The following EPHB1 variants were observed in gnomAD, a reference collection of about 807,000 sequenced individuals.
The protein encoded by EPHB1 is EPH receptor B1, also known as ephrin type-B receptor 1.
EPHB1 carries 30 observed loss-of-function variants against 94.4 expected under a neutral mutation model. That is an observed-to-expected ratio of 0.32 (90% CI 0.24 to 0.43). The LOEUF is 0.43. Among genes scored for constraint, EPHB1 ranks in the 20% least tolerant of loss-of-function variants. The pLI is 1.00. For missense variants in EPHB1, 1,055 were observed against 1,308.3 expected, an observed-to-expected ratio of 0.81 and a Z score of 2.99; for synonymous variants, 522 against 489.1, an observed-to-expected ratio of 1.07 and a Z score of -0.89.
intron 3 of EPHB1, among the ~76,000 whole-genome samples, chr3:135,086,339 G>A (rs34729205): frequency 0.073 from 11,025 of 151,572 alleles, 553 homozygotes; most frequent in Non-Finnish European, 0.11. Flanking sequence ...AAGTGGGGGT[G>A]GGGGAGGGTG....
At chr3:134,923,254 C>T (rs971533629) in intron 1 of EPHB1, among the ~76,000 whole-genome samples, 1 of 152,228 alleles carries the variant, frequency 6.6e-6, no homozygotes, top group Non-Finnish European at 1.5e-5. Flanking sequence ...GCTTTTACTC[C>T]TGTTCATTCC....
intron 3 of EPHB1, among the ~76,000 whole-genome samples, chr3:135,063,581 G>A (rs1937543223): frequency 6.6e-6 from 1 of 152,134 alleles, no homozygotes; most frequent in South Asian, 2.1e-4. Context: ...AGTTCTAGAA[G>A]CTTTCTAGAG....
intron 12 of EPHB1, among the ~76,000 whole-genome samples, chr3:135,202,126 T>G (rs1382458603): frequency 6.6e-6 from 1 of 152,196 alleles, no homozygotes. Context: ...TCTATATTGC[T>G]TCCAAATAGC....
At chr3:135,199,797 G>T (rs544556933) in intron 11 of EPHB1, among the ~76,000 whole-genome samples, 2 of 152,334 alleles carry the variant, frequency 1.3e-5, no homozygotes, top group African/African-American at 4.8e-5. Context: ...GATTGTTGTT[G>T]TTGTTGCTCC....
chr3:135,037,601 A>G (rs1368355090), intron 3 of EPHB1, among the ~76,000 whole-genome samples: 1 of 152,192 alleles, frequency 6.6e-6, no homozygotes, highest in Non-Finnish European at 1.5e-5. Flanking sequence ...CCATTGATTT[A>G]CCATCTATCT....
chr3:135,207,100 C>T (rs978795079), intron 12 of EPHB1, among the ~76,000 whole-genome samples: 2 of 152,104 alleles, frequency 1.3e-5, no homozygotes, highest in African/African-American at 4.8e-5. Flanking sequence ...ATGATGTCAG[C>T]CAAATATACA....
At chr3:134,862,128 G>A (rs2037276519) in intron 1 of EPHB1, among the ~76,000 whole-genome samples, 1 of 152,152 alleles carries the variant, frequency 6.6e-6, no homozygotes, top group East Asian at 1.9e-4. Flanking sequence ...AAGCATCATA[G>A]GTGAGGGAAG....
At chr3:135,088,658 G>A (rs1297110093) in intron 3 of EPHB1, among the ~76,000 whole-genome samples, 1 of 152,266 alleles carries the variant, frequency 6.6e-6, no homozygotes, top group Non-Finnish European at 1.5e-5. Context: ...CAAAAATGAG[G>A]AAGGATGGAA....
At chr3:134,882,590 G>C (rs2037755597) in intron 1 of EPHB1, among the ~76,000 whole-genome samples, 1 of 152,188 alleles carries the variant, frequency 6.6e-6, no homozygotes, top group Admixed American at 6.6e-5. Flanking sequence ...CAACTTGTGG[G>C]TAGGGGGAGT....
In EPHB1 at chr3:135,054,290, C is replaced by G. The variant is rs1171076485; in HGVS notation, c.806-52158C>G. Among the ~76,000 whole-genome samples, 13 of 152,120 alleles carry G rather than the reference C, an allele frequency of 8.5e-5. 1 individual carries two copies. The highest frequency in any genetic ancestry group is 8.5e-4 in the Admixed American group (13 of 15,270). Reference sequence around the variant, plus strand: ...GACTTCCTTTGGACTTGAACTGTAACTCTTCCCTGGGTCTTCAGCCTGCCA... The same window carrying G: ...GACTTCCTTTGGACTTGAACTGTAAGTCTTCCCTGGGTCTTCAGCCTGCCA... On this transcript the variant is annotated intron_variant, in intron 3 of 15. Coordinates refer to ENST00000398015, the MANE Select transcript of EPHB1 (RefSeq NM_004441.5).
chr3:135,173,000 CAG>C (rs1941848884), intron 9 of EPHB1, among the ~76,000 whole-genome samples: 1 of 151,894 alleles, frequency 6.6e-6, no homozygotes, highest in Non-Finnish European at 1.5e-5. Flanking sequence ...ACCCACAAAG[CAG>C]AGAGATGTTA....
chr3:134,889,820 G>A (rs548530424), intron 1 of EPHB1, among the ~76,000 whole-genome samples: 4 of 151,344 alleles, frequency 2.6e-5, no homozygotes, highest in East Asian at 2.0e-4. Flanking sequence ...TGGGACTACC[G>A]GTGCCCGCCA....
chr3:134,940,547 C>G (rs563114415), intron 2 of EPHB1, among the ~76,000 whole-genome samples: 8 of 152,310 alleles, frequency 5.3e-5, no homozygotes, highest in African/African-American at 1.9e-4. Flanking sequence ...GCTTTCTCAG[C>G]AATGGGCCAG....
chr3:135,018,937 T>G (rs564522871), intron 3 of EPHB1, among the ~76,000 whole-genome samples: 1 of 152,178 alleles, frequency 6.6e-6, no homozygotes, highest in African/African-American at 2.4e-5. Context: ...GACTGAGAGA[T>G]AGGAATTCTA....
rs369119085 is a variant in EPHB1 at position 134,814,325 on chromosome 3, G to T, written c.58+18636G>T. 5.3e-5 allele frequency among the ~76,000 whole-genome samples: 8 copies of T among 152,296 alleles called. No individual in the cohort carries two copies. The East Asian group carries it at 1.5e-3, about 29-fold the overall frequency. Reference sequence around the variant, plus strand: ...AAGCTGGGCCTTGAACATGTAGAGGGGAGAGTGATGAGGATGCATATCATG... The same window carrying T: ...AAGCTGGGCCTTGAACATGTAGAGGTGAGAGTGATGAGGATGCATATCATG... On this transcript the variant is annotated intron_variant, in intron 1 of 15. Transcript: ENST00000398015.
intron 5 of EPHB1, among the ~76,000 whole-genome samples, chr3:135,143,446 G>A (rs544933644): frequency 6.6e-6 from 1 of 152,178 alleles, no homozygotes; most frequent in African/African-American, 2.4e-5. Flanking sequence ...GGGTGGTGGT[G>A]GTGGGTCCTC....
At chr3:134,950,858 T>TG (rs1329837508) in intron 2 of EPHB1, among the ~76,000 whole-genome samples, 15 of 152,254 alleles carry the variant, frequency 9.9e-5, no homozygotes. Context: ...GAATCTAAGT[T>TG]GGTTGAGAAA....
chr3:135,183,273 T>C (rs943260103), intron 10 of EPHB1, among the ~76,000 whole-genome samples: 2 of 136,960 alleles, frequency 1.5e-5, no homozygotes, highest in Non-Finnish European at 3.1e-5. Flanking sequence ...CCTTCCTTCC[T>C]TCCTTCCTTC....
intron 3 of EPHB1, among the ~76,000 whole-genome samples, chr3:134,975,476 A>T (rs1578246236): frequency 6.6e-6 from 1 of 152,276 alleles, no homozygotes; most frequent in East Asian, 1.9e-4. Context: ...GTGGGGGGCC[A>T]CAGCTCCTGA....
Sources: gnomAD v4.1 joint callset for allele counts (sites outside exome capture counted in the v4.1 genomes callset) on GRCh38, gnomAD v4.1.1 for gene constraint, MANE v1.5 for transcripts, NCBI Gene and HGNC (gene_info 2026-07-23, HGNC 2026-07-21) for gene names.